The following ESF1 variants were observed in gnomAD, a reference collection of about 807,000 sequenced individuals.
The protein encoded by ESF1 is ESF1 nucleolar pre-rRNA processing protein, also known as ESF1 homolog.
In ESF1, 58 loss-of-function variants were observed where a neutral mutation model predicts 92.0. The observed-to-expected ratio is 0.63, with a 90% confidence interval of 0.51 to 0.78. The LOEUF (loss-of-function observed/expected upper bound fraction) is 0.78, where lower values mean the gene tolerates loss of function less well. ESF1 is among the 30% of genes least tolerant of loss of function. ESF1 has a pLI of 0.00. For missense variants in ESF1, 922 were observed against 989.1 expected (o/e 0.93, Z 0.91); for synonymous variants, 321 against 313.7 (o/e 1.02, Z -0.24).
intron 8 of ESF1, among the ~76,000 whole-genome samples, chr20:13,765,176 T>C (rs896434168): frequency 6.6e-6 from 1 of 152,116 alleles, no homozygotes; most frequent in Non-Finnish European, 1.5e-5. Flanking sequence ...TGAGCCCAGA[T>C]TGTACCACTA....
intron 13 of ESF1, among the ~76,000 whole-genome samples, chr20:13,716,853 T>C (rs1468109400): frequency 1.5e-5 from 2 of 129,284 alleles, no homozygotes; most frequent in East Asian, 2.5e-4. Context: ...AGTCTTGCTC[T>C]GTCACCTGGG....
At chr20:13,747,335 C>T (rs1427943954) in intron 9 of ESF1, among the ~76,000 whole-genome samples, 7 of 150,126 alleles carry the variant, frequency 4.7e-5, no homozygotes, top group South Asian at 4.2e-4. Context: ...CTGAGGCAGG[C>T]GGATCACGAG....
At chr20:13,749,030 A>T (rs1978469775) in intron 9 of ESF1, among the ~76,000 whole-genome samples, 1 of 151,980 alleles carries the variant, frequency 6.6e-6, no homozygotes, top group Non-Finnish European at 1.5e-5. Context: ...ATGCTTAGGA[A>T]AAGTCTGATT....
At chr20:13,763,159 C>T (rs548562667) in intron 8 of ESF1, among the ~76,000 whole-genome samples, 1 of 152,214 alleles carries the variant, frequency 6.6e-6, no homozygotes, top group Non-Finnish European at 1.5e-5. Context: ...CCGTGCCCGG[C>T]CTATTTATTA....
chr20:13,731,226 T>G (rs2049940390), intron 10 of ESF1, among the ~76,000 whole-genome samples: 1 of 152,144 alleles, frequency 6.6e-6, no homozygotes, highest in Non-Finnish European at 1.5e-5. Flanking sequence ...TTGAGACATC[T>G]CCAATAAACT....
intron 9 of ESF1, among the ~76,000 whole-genome samples, chr20:13,747,419 C>G (rs1024227409): frequency 6.6e-6 from 1 of 151,704 alleles, no homozygotes; most frequent in Non-Finnish European, 1.5e-5. Flanking sequence ...ATTAGCTGGG[C>G]GTGGTGGTGC....
chr20:13,731,959 T>C (rs2049946408), intron 10 of ESF1, among the ~76,000 whole-genome samples: 1 of 151,972 alleles, frequency 6.6e-6, no homozygotes, highest in Non-Finnish European at 1.5e-5. Flanking sequence ...CCCCCATACC[T>C]TACCCTATTT....
intron 5 of ESF1, among the ~76,000 whole-genome samples, chr20:13,772,188 A>T (rs1600292923): frequency 6.6e-6 from 1 of 151,814 alleles, no homozygotes; most frequent in South Asian, 2.1e-4. Context: ...AGCTTCAATG[A>T]TGTCTCAAAA....
chr20:13,784,751 G>A (rs1382290480), intron 1 of ESF1, 129 bp downstream of exon 1: 3 of 384,372 alleles, frequency 7.8e-6, no homozygotes, highest in South Asian at 5.4e-5. Context: ...GGCTCAGGAG[G>A]AAGGGGCAAA....
Position 13,715,065 on chromosome 20 carries a change from T to C in ESF1, c.2365A>G (p.Ile789Val), listed in dbSNP as rs759155599. Residue 789 changes from isoleucine (I) to valine (V), a missense_variant, in exon 14 of 14, where the codon ATC (isoleucine) becomes GTC (valine). Coordinates refer to ENST00000617257, the MANE Select transcript of ESF1 (RefSeq NM_001276380.2). Reference sequence around the variant, plus strand: ...CTTTGCCGGGCCTTCTCCTCAAGGATTTTTTCCATAGCTTTTGTTTTCTTG... The same window carrying C: ...CTTTGCCGGGCCTTCTCCTCAAGGACTTTTTCCATAGCTTTTGTTTTCTTG... ...NFKKTKAMEK[I>V]LEEKARQRER... is the part of the protein sequence containing the mutation. 3 of 1,613,782 alleles carry C rather than the reference T, an allele frequency of 1.9e-6. No homozygotes were observed. Among genetic ancestry groups the C allele is most frequent in the East Asian group, 4.5e-5 (2 of 44,870 alleles).
chr20:13,761,282 TC>T (rs1481726489), intron 8 of ESF1, among the ~76,000 whole-genome samples: 26 of 151,516 alleles, frequency 1.7e-4, no homozygotes, highest in Admixed American at 1.7e-3. Context: ...AAACCAGAGA[TC>T]TTTGTTCACT....
chr20:13,748,053 A>G (rs1348479131), intron 9 of ESF1, among the ~76,000 whole-genome samples: 1 of 152,236 alleles, frequency 6.6e-6, no homozygotes, highest in African/African-American at 2.4e-5. Context: ...AGAACTTTTC[A>G]GCTGCACTAT....
chr20:13,775,970 G>A lies in ESF1; in HGVS notation c.938C>T (p.Ser313Phe), dbSNP rs1253149230. 6.2e-7 allele frequency: 1 copy of A among 1,613,806 alleles called. No individual in the cohort carries two copies. The highest frequency in any genetic ancestry group is 8.5e-7 in the Non-Finnish European group (1 of 1,179,908). ...ARGKGNIETS[S>F]EDEDDTADLF... ...ATCTGCCGTATCATCTTCATCTTCA[G>A]AACTAGTTTCTATATTTCCTTTACC... Residue 313 changes from serine to phenylalanine, a missense_variant, in exon 3 of 14, where the codon TCT becomes TTT. Transcript: ENST00000617257.
chr20:13,724,410 C>G (rs1371857516), intron 11 of ESF1, among the ~76,000 whole-genome samples: 1 of 152,240 alleles, frequency 6.6e-6, no homozygotes. Context: ...CTGGAAGGCA[C>G]ACAAAAAACT....
chr20:13,755,620 T>A (rs1344155609), intron 9 of ESF1, among the ~76,000 whole-genome samples: 1 of 152,202 alleles, frequency 6.6e-6, no homozygotes, highest in Non-Finnish European at 1.5e-5. Flanking sequence ...TCAAAATAAT[T>A]AAGTATAACT....
chr20:13,718,288 T>C (rs916693598), intron 12 of ESF1, among the ~76,000 whole-genome samples: 2 of 152,242 alleles, frequency 1.3e-5, no homozygotes, highest in Admixed American at 6.5e-5. Context: ...TAACTTTATG[T>C]GGCCAGTCAG....
intron 9 of ESF1, among the ~76,000 whole-genome samples, chr20:13,737,161 G>A (rs1197844291): frequency 6.6e-6 from 1 of 152,112 alleles, no homozygotes; most frequent in Non-Finnish European, 1.5e-5. Flanking sequence ...GCACAAATTT[G>A]TTTAAAAAAT....
At chr20:13,767,943 T>G (rs1979502597) in intron 7 of ESF1, among the ~76,000 whole-genome samples, 1 of 152,306 alleles carries the variant, frequency 6.6e-6, no homozygotes, top group East Asian at 1.9e-4. Flanking sequence ...TTCTGACAAT[T>G]AAGCCTGAGC....
At chr20:13,727,317 A>G (rs2049907087) in intron 11 of ESF1, among the ~76,000 whole-genome samples, 1 of 152,224 alleles carries the variant, frequency 6.6e-6, no homozygotes, top group East Asian at 1.9e-4. Context: ...AATTCCCAAG[A>G]ATCTCACATT....
Sources: allele counts gnomAD v4.1 joint callset (sites outside exome capture counted in the v4.1 genomes callset), GRCh38; gene constraint gnomAD v4.1.1; transcripts MANE v1.5; gene names NCBI Gene and HGNC (gene_info 2026-07-23, HGNC 2026-07-21).